The following MUCL1 variants were observed in gnomAD, a reference collection of about 807,000 sequenced individuals.
The protein encoded by MUCL1 is mucin like 1, also known as mucin-like protein 1.
MUCL1 carries 11 observed loss-of-function variants against 9.2 expected under a neutral mutation model. The ratio of observed to expected loss-of-function variants is 1.19; its 90% CI spans 0.75 to 1.97. The LOEUF (loss-of-function observed/expected upper bound fraction) is 1.97, where lower values mean the gene tolerates loss of function less well. Among genes scored for constraint, MUCL1 ranks in the 30% most tolerant of loss-of-function variants. The pLI, the probability that MUCL1 is intolerant of heterozygous loss-of-function variation, is 0.00. For synonymous variants in MUCL1, 48 were observed against 40.5 expected (o/e 1.19, Z -0.71); for missense variants, 144 against 110.9 (o/e 1.30, Z -1.34).
At chr12:54,843,709 A>G (rs1284543898) in intron 1 of MUCL1, among the ~76,000 whole-genome samples, 1 of 152,204 alleles carries the variant, frequency 6.6e-6, no homozygotes, top group Non-Finnish European at 1.5e-5. Context: ...CAAGGCAAGT[A>G]ATGTGAGCAG....
rs147948796 is a variant in MUCL1 at position 54,844,137 on chromosome 12, A to C, written c.43+4690A>C. On this transcript the variant is annotated intron_variant, in intron 1 of 3. Coordinates refer to the MUCL1 transcript ENST00000546809. ...ACTGGTGTCATCAAATTATATTAGA[A>C]GTCTTCCATCATTTTTTCAACATTT... 1.1e-3 allele frequency among the ~76,000 whole-genome samples: 161 copies of C among 152,292 alleles called. 2 individuals carry two copies. The East Asian group carries it at 0.03, about 28-fold the overall frequency.
intron 1 of MUCL1, among the ~76,000 whole-genome samples, chr12:54,841,977 T>A (rs887190601): frequency 1.3e-5 from 2 of 152,178 alleles, no homozygotes; most frequent in African/African-American, 4.8e-5. Flanking sequence ...GAGCAATTTC[T>A]GTAATTTTTC....
chr12:54,856,793 CCTGATGCTGAAACCA>C lies in MUCL1; in HGVS notation c.128_142del (p.Asp43_Thr47del), dbSNP rs745356490. 4.3e-6 allele frequency: 7 copies of C among 1,613,218 alleles called. No individual in the cohort carries two copies. The highest frequency in any genetic ancestry group is 1.3e-5 in the African/African-American group (1 of 74,980). ...AGCTGGTCCTGCTGATGATGAAGCC[CCTGATGCTGAAACCA>C]CTGCTGCTGCAACCACTGCAACCAC... On this transcript the variant is annotated inframe_deletion, in exon 3 of 4. Coordinates refer to ENST00000308796, the MANE Select transcript of MUCL1 (RefSeq NM_058173.3).
intron 1 of MUCL1, among the ~76,000 whole-genome samples, chr12:54,841,563 T>C (rs888845251): frequency 1.3e-5 from 2 of 152,186 alleles, no homozygotes; most frequent in Non-Finnish European, 1.5e-5. Context: ...TATCACATTG[T>C]GGTTTTGATT....
chr12:54,849,679 T>A (rs1050431519), upstream of MUCL1, among the ~76,000 whole-genome samples: 1 of 152,074 alleles, frequency 6.6e-6, no homozygotes, highest in African/African-American at 2.4e-5. Context: ...TAGAAAGATC[T>A]CAGTTTAATT....
intron 1 of MUCL1, among the ~76,000 whole-genome samples, chr12:54,846,521 G>A (rs1421915927): frequency 1.3e-5 from 2 of 152,162 alleles, no homozygotes; most frequent in Non-Finnish European, 2.9e-5. Flanking sequence ...TCCAGCTTGG[G>A]GCAGCCCTTC....
upstream of MUCL1, among the ~76,000 whole-genome samples, chr12:54,851,244 T>C (rs1959334621): frequency 6.6e-6 from 1 of 152,180 alleles, no homozygotes; most frequent in Non-Finnish European, 1.5e-5. Flanking sequence ...CATGCCTATG[T>C]CCTGAATGGT....
At chr12:54,850,968 G>C (rs866845386), upstream of MUCL1, among the ~76,000 whole-genome samples, 3 of 152,270 alleles carry the variant, frequency 2.0e-5, no homozygotes, top group Middle Eastern at 6.8e-3. Context: ...CTTTTGAGAA[G>C]TGTCTGTTCA....
At chr12:54,840,829 G>GGC (rs1959207009) in intron 1 of MUCL1, among the ~76,000 whole-genome samples, 1 of 152,086 alleles carries the variant, frequency 6.6e-6, no homozygotes, top group Non-Finnish European at 1.5e-5. Context: ...ACCCCACCCA[G>GGC]CTCCCACGCA....
chr12:54,840,493 G>A (rs1166319922), intron 1 of MUCL1, among the ~76,000 whole-genome samples: 1 of 152,212 alleles, frequency 6.6e-6, no homozygotes, highest in Non-Finnish European at 1.5e-5. Flanking sequence ...GCTCAGCTGT[G>A]GTGGTAGCAG....
At chr12:54,843,204 G>A (rs912038607) in intron 1 of MUCL1, among the ~76,000 whole-genome samples, 1 of 152,158 alleles carries the variant, frequency 6.6e-6, no homozygotes, top group African/African-American at 2.4e-5. Flanking sequence ...ACTGTAAATG[G>A]TATCTATTGT....
intron 1 of MUCL1, among the ~76,000 whole-genome samples, chr12:54,846,737 C>G (rs1959262497): frequency 6.6e-6 from 1 of 151,256 alleles, no homozygotes; most frequent in Non-Finnish European, 1.5e-5. Flanking sequence ...ACACAGAGCT[C>G]TGGAAAGAAC....
chr12:54,843,872 T>C (rs938988024), intron 1 of MUCL1, among the ~76,000 whole-genome samples: 4 of 152,186 alleles, frequency 2.6e-5, no homozygotes, highest in African/African-American at 9.7e-5. Flanking sequence ...TTGAAGGCAC[T>C]AAGTTGGTGG....
chr12:54,833,899 C>G (rs1387082398), intron 1 of MUCL1, among the ~76,000 whole-genome samples: 1 of 151,886 alleles, frequency 6.6e-6, no homozygotes, highest in Non-Finnish European at 1.5e-5. Flanking sequence ...TGCAGCACAC[C>G]AACATGGCAC....
At chr12:54,831,933 T>C (rs1175002004) in intron 1 of MUCL1, among the ~76,000 whole-genome samples, 1 of 152,068 alleles carries the variant, frequency 6.6e-6, no homozygotes, top group Non-Finnish European at 1.5e-5. Flanking sequence ...TGGTTAAACA[T>C]TACAATTAAT....
upstream of MUCL1, among the ~76,000 whole-genome samples, chr12:54,849,573 A>G (rs1959306464): frequency 1.3e-5 from 2 of 152,142 alleles, no homozygotes; most frequent in Non-Finnish European, 2.9e-5. Flanking sequence ...TAGTGTATAC[A>G]TATATAGAGA....
chr12:54,850,387 C>T (rs1959320598), upstream of MUCL1, among the ~76,000 whole-genome samples: 1 of 150,166 alleles, frequency 6.7e-6, no homozygotes, highest in Non-Finnish European at 1.5e-5. Flanking sequence ...TCAGTTGCCA[C>T]CTATGAGTGA....
At chr12:54,846,008 T>C (rs769882998) in intron 1 of MUCL1, among the ~76,000 whole-genome samples, 5 of 152,186 alleles carry the variant, frequency 3.3e-5, no homozygotes, top group Non-Finnish European at 7.3e-5. Context: ...AAAAAACTTG[T>C]AGCTTTTTTT....
chr12:54,855,358 A>C, intron 2 of MUCL1: 3 of 579,292 alleles, frequency 5.2e-6, no homozygotes, highest in Non-Finnish European at 9.3e-6. Context: ...CTTAGAATAT[A>C]TGAAATCTAG....
Sources: gnomAD v4.1 joint callset for allele counts (sites outside exome capture counted in the v4.1 genomes callset) on GRCh38, gnomAD v4.1.1 for gene constraint, MANE v1.5 for transcripts, NCBI Gene and HGNC (gene_info 2026-07-23, HGNC 2026-07-21) for gene names.